EYA4: variants seen among roughly 807,000 people sequenced by gnomAD.
The protein encoded by EYA4 is protein phosphatase EYA4.
In EYA4, 31 loss-of-function variants were observed where a neutral mutation model predicts 87.9. The observed-to-expected ratio is 0.35, with a 90% CI of 0.27 to 0.48. EYA4 has a LOEUF of 0.48. Ranked by LOEUF, EYA4 falls within the 20% of genes least tolerant of loss-of-function variation. The probability of loss-of-function intolerance (pLI) is 0.99; values close to 1 mark genes in which losing one functional copy is unlikely to be tolerated. For synonymous variants in EYA4, 263 were observed against 270.6 expected (o/e 0.97, Z 0.28); for missense variants, 678 against 761.4 (o/e 0.89, Z 1.29).
intron 13 of EYA4, among the ~76,000 whole-genome samples, chr6:133,503,783 C>T (rs758178494): frequency 3.3e-5 from 5 of 151,634 alleles, no homozygotes; most frequent in Admixed American, 6.6e-5. Flanking sequence ...TTTTAATTTA[C>T]ACAACCTTTA....
Position 133,531,229 on chromosome 6 carries a change from C to T in EYA4, c.*2424C>T. ...TTCAGAAGAGGCTGCCGGCATAAAA[C>T]CTAAATGCAAGGTTGACGGAGAACA... is the stretch of plus-strand genomic sequence containing the variant. On this transcript the variant is annotated 3_prime_UTR_variant, in exon 20 of 20. Coordinates refer to ENST00000355286, the MANE Select transcript of EYA4 (RefSeq NM_004100.5). 1 of 1,533,492 alleles carries T rather than the reference C, an allele frequency of 6.5e-7. No homozygotes were observed. Among genetic ancestry groups the T allele is most frequent in the Non-Finnish European group, 8.7e-7 (1 of 1,145,408 alleles). 95.0% of individuals were successfully genotyped at this position (1,533,492 alleles called of 1,614,324 possible). A position where few individuals can be genotyped will look rare whatever the true frequency, so the allele number is the denominator to read the frequency against.
At chr6:133,435,010 A>G (rs542376525) in intron 3 of EYA4, 49 of 152,290 alleles carry the variant, frequency 3.2e-4, no homozygotes, top group African/African-American at 1.2e-3. Context: ...AATCCATTGG[A>G]TTTTTGTTTA....
intron 3 of EYA4, among the ~76,000 whole-genome samples, chr6:133,415,157 C>A (rs1789600327): frequency 6.6e-6 from 1 of 152,128 alleles, no homozygotes; most frequent in African/African-American, 2.4e-5. Flanking sequence ...TCTCACTTAC[C>A]CACACTGCTG....
chr6:133,307,228 G>A (rs1002713834), intron 2 of EYA4, among the ~76,000 whole-genome samples: 2 of 152,230 alleles, frequency 1.3e-5, no homozygotes, highest in Admixed American at 1.3e-4. Context: ...AGCTCCCTGA[G>A]GTTTTGAGTG....
At chr6:133,394,277 A>G (rs1372290958) in intron 3 of EYA4, among the ~76,000 whole-genome samples, 2 of 127,254 alleles carry the variant, frequency 1.6e-5, no homozygotes, top group Non-Finnish European at 3.0e-5. Context: ...TGTATATATA[A>G]GCTTGTGTTT....
chr6:133,299,903 A>T (rs1446565387), intron 2 of EYA4, among the ~76,000 whole-genome samples: 1 of 147,398 alleles, frequency 6.8e-6, no homozygotes, highest in Non-Finnish European at 1.5e-5. Context: ...TTATATACAT[A>T]TACATATGTA....
intron 2 of EYA4, among the ~76,000 whole-genome samples, chr6:133,338,599 AG>A (rs1489514181): frequency 1.3e-5 from 2 of 152,192 alleles, no homozygotes; most frequent in African/African-American, 4.8e-5. Context: ...CTATAGTCAC[AG>A]AAAAATGATA....
At chr6:133,394,453 A>G (rs1479856179) in intron 3 of EYA4, among the ~76,000 whole-genome samples, 1 of 151,988 alleles carries the variant, frequency 6.6e-6, no homozygotes, top group African/African-American at 2.4e-5. Context: ...ATAAGCTTGT[A>G]TTTAAAAAAT....
In EYA4 at chr6:133,300,512, G is replaced by GTTA. The variant is rs574500844; in HGVS notation, c.33+25718_33+25720dup. On this transcript the variant is annotated intron_variant, in intron 2 of 19. Coordinates refer to ENST00000355286, the MANE Select transcript of EYA4 (RefSeq NM_004100.5). ...TATTTGTACAAAATGTATTGTTGTT[G>GTTA]TTATTATTATTATTATTATTAGAGA... 8.0e-4 allele frequency among the ~76,000 whole-genome samples: 121 copies of GTTA among 151,592 alleles called. 4 individuals are homozygous for GTTA. In the South Asian group the frequency reaches 0.013, roughly 16 times the overall value.
Position 133,531,022 on chromosome 6 carries a change from G to A in EYA4, c.*2217G>A. On this transcript the variant is annotated 3_prime_UTR_variant, in exon 20 of 20. Coordinates refer to ENST00000355286, the MANE Select transcript of EYA4 (RefSeq NM_004100.5). ...TACTGTATAGCTGGTTTCTTTAAAT[G>A]TTGATAGAATTGTGGCATTACATCT... The A allele has an allele frequency of 1.5e-6, 2 of 1,372,272 alleles. No homozygotes were observed. Among genetic ancestry groups the A allele is most frequent in the Non-Finnish European group, 1.9e-6 (2 of 1,065,542 alleles). 85.0% of individuals were successfully genotyped at this position (1,372,272 alleles called of 1,614,324 possible).
intron 2 of EYA4, among the ~76,000 whole-genome samples, chr6:133,364,405 T>C (rs983751166): frequency 2.0e-5 from 3 of 152,190 alleles, no homozygotes; most frequent in Admixed American, 1.3e-4. Flanking sequence ...CCACCACTGC[T>C]GCCTCGCTTC....
chr6:133,363,966 C>T (rs1784665558), intron 2 of EYA4, among the ~76,000 whole-genome samples: 1 of 152,192 alleles, frequency 6.6e-6, no homozygotes, highest in Non-Finnish European at 1.5e-5. Context: ...ACTCTGCTGC[C>T]TGATTCACCA....
rs1027975426 is a variant in EYA4 at position 133,492,323 on chromosome 6, G to A, written c.1191+9208G>A. ...GTTCAACATATGCAAATCAATCAAC[G>A]TGATACATCATACCAACAGAATGAA... On this transcript the variant is annotated intron_variant, in intron 13 of 19. Transcript: ENST00000355286. 7.9e-5 allele frequency among the ~76,000 whole-genome samples: 12 copies of A among 152,116 alleles called. 1 individual carries two copies. Among genetic ancestry groups the A allele is most frequent in the Admixed American group, 3.9e-4 (6 of 15,278 alleles).
chr6:133,374,597 A>C (rs1211902758), intron 2 of EYA4, among the ~76,000 whole-genome samples: 1 of 152,018 alleles, frequency 6.6e-6, no homozygotes, highest in Non-Finnish European at 1.5e-5. Context: ...GTTTTCTTTG[A>C]ATGGAAGTAG....
At chr6:133,270,054 C>T (rs1036423277) in intron 1 of EYA4, among the ~76,000 whole-genome samples, 4 of 152,158 alleles carry the variant, frequency 2.6e-5, no homozygotes, top group African/African-American at 7.2e-5. Context: ...TCACTGGCAG[C>T]GGATTAGATT....
intron 1 of EYA4, among the ~76,000 whole-genome samples, chr6:133,272,808 C>T (rs1776810406): frequency 6.6e-6 from 1 of 152,126 alleles, no homozygotes; most frequent in Admixed American, 6.5e-5. Flanking sequence ...TTCTGGACCC[C>T]AGGCAGTTTT....
chr6:133,388,269 T>C (rs1322127829), intron 3 of EYA4, among the ~76,000 whole-genome samples: 2 of 151,758 alleles, frequency 1.3e-5, no homozygotes. Context: ...TAGTAGGGCA[T>C]AGTGGTGGGC....
chr6:133,409,405 A>G (rs1370880324), intron 3 of EYA4, among the ~76,000 whole-genome samples: 1 of 150,898 alleles, frequency 6.6e-6, no homozygotes, highest in African/African-American at 2.5e-5. Flanking sequence ...AACCTGGAGG[A>G]CATTATGCTA....
chr6:133,447,806 A>G (rs577712577), intron 4 of EYA4, among the ~76,000 whole-genome samples: 111 of 152,320 alleles, frequency 7.3e-4, no homozygotes, highest in African/African-American at 2.6e-3. Context: ...TAATTATGCA[A>G]TTGCAAATGT....
Sources: allele counts gnomAD v4.1 joint callset (sites outside exome capture counted in the v4.1 genomes callset), GRCh38; gene constraint gnomAD v4.1.1; transcripts MANE v1.5; gene names NCBI Gene and HGNC (gene_info 2026-07-23, HGNC 2026-07-21).